Variants in NAA16 observed in about 807,000 individuals in gnomAD.
The protein encoded by NAA16 is N-alpha-acetyltransferase 16, NatA auxiliary subunit, also known as NARG1-like protein.
A neutral mutation model predicts 110.3 loss-of-function variants in NAA16; 97 were observed. The ratio of observed to expected loss-of-function variants is 0.88; its 90% CI spans 0.75 to 1.04. The LOEUF is 1.04. Among genes scored for constraint, NAA16 ranks in the 50% least tolerant of loss-of-function variants. NAA16 has a pLI of 0.00. For synonymous variants in NAA16, 372 were observed against 330.6 expected (o/e 1.13, Z -1.36); for missense variants, 1,017 against 1,005.1 (o/e 1.01, Z -0.16).
chr13:41,316,305 A>ATTTT (rs993030515), intron 1 of NAA16, among the ~76,000 whole-genome samples: 1 of 103,894 alleles, frequency 9.6e-6, no homozygotes, highest in African/African-American at 3.7e-5. Flanking sequence ...AATTTTTGTA[A>ATTTT]TTTTTTTTTT....
At chr13:41,349,383 G>A (rs2042767795) in intron 9 of NAA16, among the ~76,000 whole-genome samples, 1 of 151,680 alleles carries the variant, frequency 6.6e-6, no homozygotes, top group African/African-American at 2.4e-5. Flanking sequence ...GGATCTTGCT[G>A]TGTTGCCCAG....
chr13:41,365,033 G>A lies in NAA16; in HGVS notation c.1540-2406G>A, dbSNP rs2043182796. On this transcript the variant is annotated intron_variant, in intron 13 of 19. Transcript: ENST00000379406. ...AACGGCTTTTCTTAATTCTTGCTTAGGGGGAGAGAGTTAAGGGCATGAGCT... is the reference window on the plus strand; with the variant it reads ...AACGGCTTTTCTTAATTCTTGCTTAAGGGGAGAGAGTTAAGGGCATGAGCT... 2.0e-5 allele frequency among the ~76,000 whole-genome samples: 3 copies of A among 152,160 alleles called. No homozygotes were observed. The East Asian group carries it at 5.8e-4, about 29-fold the overall frequency.
intron 6 of NAA16, 23 bp from the exon 7 acceptor site, chr13:41,328,701 T>G (rs2042156527): frequency 1.9e-6 from 3 of 1,575,756 alleles, no homozygotes; most frequent in Non-Finnish European, 8.7e-7. Context: ...TTAAAATGAA[T>G]ATGTCTTTAA....
rs1164248906 is a variant in NAA16 at position 41,336,679 on chromosome 13, T to C, written c.937T>C (p.Phe313Leu). ...AAGATTTAGAGAACTAATGGATAAG[T>C]TCCTGAGGGTTAACTTCAGTAAAGG... ...GERFRELMDK[F>L]LRVNFSKGCP... is the part of the protein sequence containing the mutation. The change falls in exon 9 of 20, where the codon TTC (phenylalanine) becomes CTC (leucine). Residue 313 changes from phenylalanine (F) to leucine (L), a missense_variant. By Grantham distance (22) the Phe-to-Leu change is conservative (BLOSUM62 0). Coordinates refer to ENST00000379406, the MANE Select transcript of NAA16 (RefSeq NM_024561.5). 1.2e-6 allele frequency: 2 copies of C among 1,607,760 alleles called. No individual in the cohort carries two copies. Among genetic ancestry groups the C allele is most frequent in the Non-Finnish European group, 1.7e-6 (2 of 1,176,508 alleles).
At chr13:41,361,285 TGATGC>T (rs1270984179) in intron 12 of NAA16, among the ~76,000 whole-genome samples, 2 of 152,042 alleles carry the variant, frequency 1.3e-5, no homozygotes, top group Non-Finnish European at 2.9e-5. Context: ...ATGAAACAGG[TGATGC>T]TGATAGAAGC....
chr13:41,332,797 TTGAC>T (rs66467588), intron 8 of NAA16, among the ~76,000 whole-genome samples: 144,168 of 152,116 alleles, frequency 0.95, 68,389 homozygotes, highest in South Asian at 0.99. Flanking sequence ...AAATTTTTAG[TTGAC>T]TGACTTGTGA....
chr13:41,362,521 C>G (rs773587243), intron 13 of NAA16: 8 of 379,428 alleles, frequency 2.1e-5, no homozygotes, highest in Non-Finnish European at 3.9e-5. Context: ...TTTAAAACAT[C>G]AGGATCTGGT....
intron 1 of NAA16, among the ~76,000 whole-genome samples, chr13:41,316,585 G>A (rs1265617813): frequency 1.3e-5 from 2 of 152,074 alleles, no homozygotes; most frequent in African/African-American, 2.4e-5. Flanking sequence ...AATTACAAGC[G>A]TGAGCCACCT....
intron 13 of NAA16, among the ~76,000 whole-genome samples, chr13:41,366,021 T>C (rs2043201421): frequency 6.6e-6 from 1 of 152,206 alleles, no homozygotes; most frequent in African/African-American, 2.4e-5. Context: ...GTGCTAGTTA[T>C]AACTTGATTT....
rs1334826182 is a variant in NAA16, at chr13:41,375,701, T to C, written c.*99T>C. On this transcript the variant is annotated 3_prime_UTR_variant, in exon 20 of 20. Transcript: ENST00000379406. The stretch of plus-strand genomic sequence containing the variant: ...TAATATACGTATGAAATGAAATATT[T>C]GGTTAGGATTTTTAAATGGCATATT... The C allele has an allele frequency of 6.5e-6, 6 of 916,126 alleles. No individual in the cohort carries two copies. The highest frequency in any genetic ancestry group is 9.7e-6 in the Non-Finnish European group (6 of 620,400). The allele number at this position is 916,126 out of a possible 1,614,324, so 56.7% of individuals were successfully genotyped here.
chr13:41,327,979 T>C (rs1458778818), intron 6 of NAA16: 1 of 152,094 alleles, frequency 6.6e-6, no homozygotes, highest in Non-Finnish European at 1.5e-5. Flanking sequence ...TAGTATGACT[T>C]GAAGACATTT....
At position 41,373,919 on chromosome 13, in the gene NAA16, T is replaced by C. The variant is rs774312517; in HGVS notation, c.2299+139T>C. 240 of 1,309,322 alleles carry C rather than the reference T, an allele frequency of 1.8e-4. 3 individuals carry two copies. The East Asian group carries it at 6.5e-3, about 36-fold the overall frequency. The allele number at this position is 1,309,322 out of a possible 1,614,324, so 81.1% of individuals were successfully genotyped here. ...GAGAAATGTGGACAAATTTAAGTTA[T>C]GTTCAATAATAGGGGAAACAGGGAT... On this transcript the variant is annotated intron_variant, in intron 18 of 19. Transcript: ENST00000379406.
At position 41,355,225 on chromosome 13, in the gene NAA16, A is replaced by T; in HGVS notation, c.1087+9A>T. On this transcript the variant is annotated intron_variant, in intron 10 of 19. Transcript: ENST00000379406. The stretch of plus-strand genomic sequence containing the variant: ...CTTTTTTAGCCCATATGGTAAGTTT[A>T]AATTAGATTGAATTGGAATTTGATT... 6.7e-7 allele frequency: 1 copy of T among 1,501,530 alleles called. No homozygotes were observed. Among genetic ancestry groups the T allele is most frequent in the Non-Finnish European group, 9.1e-7 (1 of 1,097,918 alleles). The allele number at this position is 1,501,530 out of a possible 1,614,324, so 93.0% of individuals were successfully genotyped here.
At chr13:41,313,188 T>G (rs1049358234) in intron 1 of NAA16, among the ~76,000 whole-genome samples, 1 of 152,064 alleles carries the variant, frequency 6.6e-6, no homozygotes. Context: ...AAAGGTAGGG[T>G]TTATCCCCAA....
rs535193703 is a variant in NAA16, at chr13:41,325,500, A to G, written c.538-198A>G. On this transcript the variant is annotated intron_variant, in intron 5 of 19. Coordinates refer to ENST00000379406, the MANE Select transcript of NAA16 (RefSeq NM_024561.5). ...TTCTTGACCTGTGTCACTTGGGAATAGACAGAAGTCCCACCCTATTATTTG... is the reference window on the plus strand; with the variant it reads ...TTCTTGACCTGTGTCACTTGGGAATGGACAGAAGTCCCACCCTATTATTTG... Among the ~76,000 whole-genome samples, 3 of 152,226 alleles carry G rather than the reference A, an allele frequency of 2.0e-5. No homozygotes were observed. The South Asian group carries it at 6.2e-4, about 32-fold the overall frequency.
In NAA16 at chr13:41,320,795, A is replaced by G; in HGVS notation, c.373A>G (p.Ile125Val). The G allele has an allele frequency of 6.2e-7, 1 of 1,611,184 alleles. No homozygotes were observed. Among genetic ancestry groups the G allele is most frequent in the Non-Finnish European group, 8.5e-7 (1 of 1,179,264 alleles). The change falls in exon 4 of 20, where the codon ATC (isoleucine) becomes GTC (valine). Residue 125 changes from isoleucine to valine, a missense_variant. Coordinates refer to ENST00000379406, the MANE Select transcript of NAA16 (RefSeq NM_024561.5). The stretch of plus-strand genomic sequence containing the variant: ...TTTGAGGGATCTCTCACTGTTGCAG[A>G]TCCAAATGAGAGACCTTGAAGGTTA... ...QILRDLSLLQ[I>V]QMRDLEGYRE...
In NAA16 at chr13:41,372,655, TAAGTG is replaced by T. The variant is rs530921309; in HGVS notation, c.2057-75_2057-71del. ...AAAGGTAGCATTTTGTTGTTGAACT[TAAGTG>T]AGACTGAAATAAAGTGAGGAAAATA... On this transcript the variant is annotated intron_variant, in intron 16 of 19. Coordinates refer to ENST00000379406, the MANE Select transcript of NAA16 (RefSeq NM_024561.5). The T allele has an allele frequency of 2.2e-4, 307 of 1,407,894 alleles. 2 individuals are homozygous for T. The East Asian group carries it at 7.5e-3, about 34-fold the overall frequency. The allele number at this position is 1,407,894 out of a possible 1,614,324, so 87.2% of individuals were successfully genotyped here. A position where few individuals can be genotyped will look rare whatever the true frequency, so the allele number is the denominator to read the frequency against.
At chr13:41,362,929 T>G in intron 13 of NAA16, 1 of 1,120,590 alleles carries the variant, frequency 8.9e-7, no homozygotes, top group Non-Finnish European at 1.1e-6. Flanking sequence ...CACGTGAAAT[T>G]TCTGAGATTA....
At chr13:41,317,875 T>C (rs1348348474) in intron 2 of NAA16, among the ~76,000 whole-genome samples, 2 of 152,216 alleles carry the variant, frequency 1.3e-5, no homozygotes, top group African/African-American at 4.8e-5. Flanking sequence ...CAGAGAATTA[T>C]TTCATCCTAA....
Sources: allele counts gnomAD v4.1 joint callset (sites outside exome capture counted in the v4.1 genomes callset), GRCh38; gene constraint gnomAD v4.1.1; transcripts MANE v1.5; gene names NCBI Gene and HGNC (gene_info 2026-07-23, HGNC 2026-07-21).